Variants in ERI1 observed in about 807,000 individuals in gnomAD.
The protein encoded by ERI1 is exoribonuclease 1, also known as 3'-5' exoribonuclease 1.
In ERI1, 39 loss-of-function variants were observed where a neutral mutation model predicts 39.7. The observed-to-expected ratio is 0.98, with a 90% CI of 0.76 to 1.28. The LOEUF is 1.28. Among genes scored for constraint, ERI1 ranks in the 50% most tolerant of loss-of-function variants. The probability of loss-of-function intolerance (pLI) is 0.00; values close to 1 mark genes in which losing one functional copy is unlikely to be tolerated. For synonymous variants in ERI1, 204 were observed against 149.6 expected, an observed-to-expected ratio of 1.36 and a Z score of -2.65; for missense variants, 581 against 416.9, an observed-to-expected ratio of 1.39 and a Z score of -3.43.
At chr8:9,086,213 G>T (rs1352137304) in intron 3 of ERI1, among the ~76,000 whole-genome samples, 1 of 152,068 alleles carries the variant, frequency 6.6e-6, no homozygotes, top group Non-Finnish European at 1.5e-5. Flanking sequence ...CAGGAGTTCA[G>T]GACCAGCCTG....
chr8:9,007,071 G>A (rs972726278), intron 1 of ERI1, among the ~76,000 whole-genome samples: 1 of 152,218 alleles, frequency 6.6e-6, no homozygotes, highest in Non-Finnish European at 1.5e-5. Context: ...GATATTGCAT[G>A]TGGAAAATAA....
intron 3 of ERI1, among the ~76,000 whole-genome samples, chr8:9,013,691 C>A (rs1816921595): frequency 6.6e-6 from 1 of 152,162 alleles, no homozygotes; most frequent in African/African-American, 2.4e-5. Context: ...AGTGTCTCAA[C>A]CTTTTGAACT....
At chr8:9,091,159 C>A (rs1417100624) in intron 3 of ERI1, 1 of 152,122 alleles carries the variant, frequency 6.6e-6, no homozygotes, top group Non-Finnish European at 1.5e-5. Context: ...ATTTTATCTC[C>A]CTGTCGGCCC....
At chr8:9,074,166 G>A (rs1229430411) in intron 3 of ERI1, among the ~76,000 whole-genome samples, 2 of 151,686 alleles carry the variant, frequency 1.3e-5, no homozygotes, top group African/African-American at 4.8e-5. Flanking sequence ...ACTGGAGTAT[G>A]GTGGTGCAAT....
rs1050669388 is a variant in ERI1 at position 9,055,053 on chromosome 8, A to G, written n.299+34589A>G. ...CATTTAACAGAGTTTAATTGAGTAA[A>G]CAACAATTCGCGAATCAGCAGCTGC... On this transcript the variant is annotated intron_variant and non_coding_transcript_variant, in intron 3 of 3. Transcript: ENST00000518663. Among the ~76,000 whole-genome samples, 3 of 152,240 alleles carry G rather than the reference A, an allele frequency of 2.0e-5. No individual in the cohort carries two copies. In the South Asian group the frequency reaches 6.2e-4, roughly 31 times the overall value.
chr8:9,037,719 T>C (rs1183567864), downstream of ERI1, among the ~76,000 whole-genome samples: 2 of 152,160 alleles, frequency 1.3e-5, no homozygotes, highest in African/African-American at 2.4e-5. Flanking sequence ...GAGTTACAGA[T>C]AGGAGCTATC....
intron 2 of ERI1, chr8:9,009,231 C>T: frequency 2.9e-6 from 1 of 346,892 alleles, no homozygotes; most frequent in Non-Finnish European, 5.7e-6. Flanking sequence ...ATATGTTCCC[C>T]ACTTTGGCAA....
intron 3 of ERI1, among the ~76,000 whole-genome samples, chr8:9,039,878 ATGAT>A (rs1797962181): frequency 6.6e-6 from 1 of 152,202 alleles, no homozygotes; most frequent in South Asian, 2.1e-4. Context: ...ATTTCACAAA[ATGAT>A]TGTGGTCAGT....
intron 1 of ERI1, chr8:9,004,149 T>A: frequency 7.8e-7 from 1 of 1,289,310 alleles, no homozygotes; most frequent in Admixed American, 2.3e-5. Flanking sequence ...CCTTTTGCCC[T>A]GTGTGCACTT....
At chr8:9,013,913 C>T (rs181691653) in intron 3 of ERI1, among the ~76,000 whole-genome samples, 1 of 152,196 alleles carries the variant, frequency 6.6e-6, no homozygotes, top group Non-Finnish European at 1.5e-5. Context: ...TGACTTCATT[C>T]TGATCCTCTA....
chr8:9,062,364 T>C (rs541887557), intron 3 of ERI1, among the ~76,000 whole-genome samples: 152 of 151,934 alleles, frequency 1.0e-3, no homozygotes, highest in African/African-American at 3.1e-3. Flanking sequence ...GTGGCTGTAG[T>C]CCAGGAACAG....
intron 3 of ERI1, among the ~76,000 whole-genome samples, chr8:9,073,347 A>C (rs1163305744): frequency 6.6e-6 from 1 of 152,238 alleles, no homozygotes; most frequent in East Asian, 1.9e-4. Flanking sequence ...GTCTACTCTT[A>C]GTAAAGTATC....
In ERI1 at chr8:9,020,408, C is replaced by G; in HGVS notation, c.751C>G (p.Pro251Ala). 1 of 1,606,718 alleles carries G rather than the reference C, an allele frequency of 6.2e-7. No homozygotes were observed. The highest frequency in any genetic ancestry group is 8.5e-7 in the Non-Finnish European group (1 of 1,177,004). Residue 251 changes from proline (P) to alanine (A), a missense_variant, in exon 6 of 7, where the codon CCT becomes GCT. Coordinates refer to ENST00000250263, the MANE Select transcript of ERI1 (RefSeq NM_153332.4). ...GTGTCAACTCAGCAGGCTCAAATAC[C>G]CTCCTTTTGCGAAAAAGTGGATCAA... is the stretch of plus-strand genomic sequence containing the variant. ...IQCQLSRLKY[P>A]PFAKKWINIR...
intron 3 of ERI1, among the ~76,000 whole-genome samples, chr8:9,083,259 T>G (rs1799422281): frequency 6.6e-6 from 1 of 152,160 alleles, no homozygotes; most frequent in Admixed American, 6.5e-5. Flanking sequence ...ATTACTTCTT[T>G]TATTCCTTTT....
At chr8:9,027,623 G>C (rs1348770091) in intron 6 of ERI1, among the ~76,000 whole-genome samples, 1 of 152,038 alleles carries the variant, frequency 6.6e-6, no homozygotes, top group African/African-American at 2.4e-5. Flanking sequence ...CTTACATTTA[G>C]GTCTTTGATC....
In ERI1 at chr8:9,032,321, G is replaced by A. The variant is rs1797642823; in HGVS notation, c.*2287G>A. 1 of 152,102 alleles carries A rather than the reference G, an allele frequency of 6.6e-6. No homozygotes were observed. The highest frequency in any genetic ancestry group is 1.5e-5 in the Non-Finnish European group (1 of 68,016). 9.4% of individuals were successfully genotyped at this position (152,102 alleles called of 1,614,324 possible). A position where few individuals can be genotyped will look rare whatever the true frequency, so the allele number is the denominator to read the frequency against. The stretch of plus-strand genomic sequence containing the variant: ...TTACAAACAATTTATTATTAGCTGT[G>A]TTAACTTTTATTCTATGCTTCATAT... On this transcript the variant is annotated 3_prime_UTR_variant, in exon 7 of 7. Transcript: ENST00000250263.
intron 3 of ERI1, among the ~76,000 whole-genome samples, chr8:9,083,473 T>G (rs1392973412): frequency 6.6e-6 from 1 of 152,082 alleles, no homozygotes; most frequent in African/African-American, 2.4e-5. Flanking sequence ...TAAGGAAAAA[T>G]TTAAACATAT....
chr8:9,094,904 C>T (rs946169168), intron 3 of ERI1, among the ~76,000 whole-genome samples: 6 of 151,974 alleles, frequency 3.9e-5, no homozygotes, highest in African/African-American at 7.2e-5. Context: ...ATATGTGTTA[C>T]GGGGGTTGGG....
chr8:9,055,317 A>C (rs1282692948), intron 3 of ERI1, among the ~76,000 whole-genome samples: 3 of 152,270 alleles, frequency 2.0e-5, no homozygotes. Flanking sequence ...TTGAGGTTAT[A>C]GTTCATGATG....
Sources: gnomAD v4.1 joint callset for allele counts (sites outside exome capture counted in the v4.1 genomes callset) on GRCh38, gnomAD v4.1.1 for gene constraint, MANE v1.5 for transcripts, NCBI Gene and HGNC (gene_info 2026-07-23, HGNC 2026-07-21) for gene names.